Variants in ITGB8 observed in about 807,000 individuals in gnomAD.
ITGB8 encodes integrin beta-8.
Under a neutral mutation model 89.5 loss-of-function variants are expected in ITGB8, and 30 were observed. The observed-to-expected ratio is 0.34, with a 90% CI of 0.25 to 0.45. ITGB8 has a LOEUF of 0.45. ITGB8 is among the 20% of genes least tolerant of loss of function. ITGB8 has a pLI of 1.00. For synonymous variants in ITGB8, 335 were observed against 320.4 expected (o/e 1.05, Z -0.49); for missense variants, 836 against 933.3 (o/e 0.90, Z 1.36).
At chr7:20,398,775 A>G (rs915670667) in intron 8 of ITGB8, 85 bp from the exon 9 acceptor site, 2 of 953,522 alleles carry the variant, frequency 2.1e-6, no homozygotes, top group Non-Finnish European at 2.9e-6. Context: ...AATTAAATCT[A>G]TAATGATTTA....
intron 1 of ITGB8, among the ~76,000 whole-genome samples, chr7:20,348,717 TG>T (rs1785010306): frequency 6.6e-6 from 1 of 152,070 alleles, no homozygotes; most frequent in South Asian, 2.1e-4. Context: ...ATAACAAAGA[TG>T]GGGGAGCATA....
At chr7:20,359,641 G>A (rs758863763) in intron 1 of ITGB8, among the ~76,000 whole-genome samples, 1 of 151,900 alleles carries the variant, frequency 6.6e-6, no homozygotes, top group South Asian at 2.1e-4. Context: ...GGGTGTGTTT[G>A]TATGTGTGTT....
chr7:20,355,321 C>T (rs1785255924), intron 1 of ITGB8, among the ~76,000 whole-genome samples: 1 of 152,210 alleles, frequency 6.6e-6, no homozygotes, highest in Non-Finnish European at 1.5e-5. Flanking sequence ...AACGTATATG[C>T]TTGCTGCCAT....
At chr7:20,354,721 G>A (rs1049332966) in intron 1 of ITGB8, among the ~76,000 whole-genome samples, 5 of 152,158 alleles carry the variant, frequency 3.3e-5, no homozygotes, top group Non-Finnish European at 5.9e-5. Context: ...GGCATAAGGG[G>A]AATAAAAAGG....
intron 10 of ITGB8, among the ~76,000 whole-genome samples, 193 bp from the exon 11 acceptor site, chr7:20,404,435 A>C (rs990188610): frequency 1.3e-5 from 2 of 152,228 alleles, no homozygotes; most frequent in African/African-American, 4.8e-5. Flanking sequence ...GATTATCTAC[A>C]GTAGAACAGC....
At chr7:20,380,500 A>C in intron 4 of ITGB8, 166 bp from the exon 5 acceptor site, 1 of 592,360 alleles carries the variant, frequency 1.7e-6, no homozygotes, top group Non-Finnish European at 3.0e-6. Flanking sequence ...TGTCATCAGC[A>C]TTGAGCTTAT....
intron 3 of ITGB8, among the ~76,000 whole-genome samples, chr7:20,368,022 C>G (rs1785775186): frequency 1.3e-5 from 2 of 152,134 alleles, no homozygotes; most frequent in South Asian, 4.1e-4. Flanking sequence ...GTGGTCCTGT[C>G]CTGTCATTAA....
intron 1 of ITGB8, among the ~76,000 whole-genome samples, chr7:20,354,169 T>G (rs1785211231): frequency 6.6e-6 from 1 of 152,290 alleles, no homozygotes; most frequent in African/African-American, 2.4e-5. Context: ...ACACATTTAC[T>G]GAGTGTATTC....
In ITGB8 at chr7:20,331,730, C is replaced by G. The variant is rs1485980234; in HGVS notation, c.-77C>G. On this transcript the variant is annotated 5_prime_UTR_variant, in exon 1 of 14. Coordinates refer to ENST00000222573, the MANE Select transcript of ITGB8 (RefSeq NM_002214.3). ...CTAGCGACACTCGGCCCGCGGGCCC[C>G]GAGGTGCGCCCGGGAGGCGCGAGCC... 6.7e-7 allele frequency: 1 copy of G among 1,489,200 alleles called. No homozygotes were observed. The allele number at this position is 1,489,200 out of a possible 1,614,324, so 92.2% of individuals were successfully genotyped here.
Position 20,412,540 on chromosome 7 carries a change from T to C in ITGB8, c.*2543T>C, listed in dbSNP as rs1787800185. The C allele has an allele frequency of 6.6e-6, 1 of 152,542 alleles. No homozygotes were observed. The highest frequency in any genetic ancestry group is 1.5e-5 in the Non-Finnish European group (1 of 68,014). 9.4% of individuals were successfully genotyped at this position (152,542 alleles called of 1,614,324 possible). A position where few individuals can be genotyped will look rare whatever the true frequency, so the allele number is the denominator to read the frequency against. ...AATGAAATCCTTAAAAATCCAGAGT[T>C]TATATTTTTTTTATACCCTCACTTG... is the stretch of plus-strand genomic sequence containing the variant. On this transcript the variant is annotated 3_prime_UTR_variant, in exon 14 of 14. Transcript: ENST00000222573.
intron 9 of ITGB8, among the ~76,000 whole-genome samples, chr7:20,399,659 G>T (rs1378628880): frequency 6.6e-6 from 1 of 151,976 alleles, no homozygotes; most frequent in Non-Finnish European, 1.5e-5. Flanking sequence ...TCCAAGGATT[G>T]GCACAACGGA....
At chr7:20,392,888 C>G (rs2127974503) in intron 7 of ITGB8, among the ~76,000 whole-genome samples, 1 of 152,372 alleles carries the variant, frequency 6.6e-6, no homozygotes, top group African/African-American at 2.4e-5. Flanking sequence ...AAGTAGGACT[C>G]TGGCCAAAAT....
intron 8 of ITGB8, 106 bp downstream of exon 8, chr7:20,395,091 T>C (rs1787016220): frequency 3.1e-6 from 2 of 652,084 alleles, no homozygotes; most frequent in South Asian, 2.0e-5. Flanking sequence ...GTAGAAAGCA[T>C]ATTAGATTAG....
At chr7:20,359,152 G>C (rs1785406370) in intron 1 of ITGB8, among the ~76,000 whole-genome samples, 1 of 152,082 alleles carries the variant, frequency 6.6e-6, no homozygotes, top group Admixed American at 6.5e-5. Flanking sequence ...TTGCTATCGT[G>C]GATAGCACTA....
At chr7:20,377,477 T>C (rs1027271262) in intron 3 of ITGB8, 3 of 152,200 alleles carry the variant, frequency 2.0e-5, no homozygotes, top group South Asian at 2.1e-4. Flanking sequence ...CCCAGTAGTG[T>C]TGAATTTCTA....
intron 10 of ITGB8, 54 bp from the exon 11 acceptor site, chr7:20,404,574 C>A: frequency 6.7e-7 from 1 of 1,488,864 alleles, no homozygotes; most frequent in Non-Finnish European, 9.2e-7. Flanking sequence ...GTTGAAAACT[C>A]TTTACAAAGT....
chr7:20,404,530 G>T (rs1282332982), intron 10 of ITGB8, 98 bp from the exon 11 acceptor site: 1 of 950,816 alleles, frequency 1.1e-6, no homozygotes, highest in South Asian at 1.4e-5. Flanking sequence ...TGGACTGTCA[G>T]TGCGTTTCCA....
chr7:20,400,908 C>T (rs1787281836), intron 9 of ITGB8, among the ~76,000 whole-genome samples: 1 of 152,096 alleles, frequency 6.6e-6, no homozygotes, highest in Non-Finnish European at 1.5e-5. Flanking sequence ...TTTACTTGGG[C>T]TCCTAGAAAA....
chr7:20,339,478 T>C (rs1784682836), intron 1 of ITGB8, among the ~76,000 whole-genome samples: 1 of 152,204 alleles, frequency 6.6e-6, no homozygotes, highest in Admixed American at 6.5e-5. Context: ...GATTTTATAA[T>C]TTAATTAAAA....
Sources: allele counts gnomAD v4.1 joint callset (sites outside exome capture counted in the v4.1 genomes callset), GRCh38; gene constraint gnomAD v4.1.1; transcripts MANE v1.5; gene names NCBI Gene and HGNC (gene_info 2026-07-23, HGNC 2026-07-21).